Variants in EIF4E3 observed in about 807,000 individuals in gnomAD.
EIF4E3 encodes the protein eukaryotic translation initiation factor 4E family member 3.
In EIF4E3, 26 loss-of-function variants were observed where a neutral mutation model predicts 31.7. The ratio of observed to expected loss-of-function variants is 0.82; its 90% confidence interval spans 0.60 to 1.14. The LOEUF is 1.14. Ranked by LOEUF, EIF4E3 falls within the 50% of genes most tolerant of loss-of-function variation. The probability of loss-of-function intolerance (pLI) is 0.00; values close to 1 mark genes in which losing one functional copy is unlikely to be tolerated. For missense variants in EIF4E3, 304 were observed against 270.9 expected (o/e 1.12, Z -0.86); for synonymous variants, 128 against 107.7 (o/e 1.19, Z -1.17).
At chr3:71,689,868 A>G in intron 6 of EIF4E3, 142 bp downstream of exon 6, 1 of 783,580 alleles carries the variant, frequency 1.3e-6, no homozygotes, top group Non-Finnish European at 1.7e-6. Flanking sequence ...AAAAAAAAAA[A>G]CTTAAATGTA....
intron 2 of EIF4E3, among the ~76,000 whole-genome samples, chr3:71,707,978 C>T (rs1269796791): frequency 2.0e-5 from 3 of 151,806 alleles, no homozygotes; most frequent in Admixed American, 6.6e-5. Flanking sequence ...CTCCACTTCC[C>T]GGGTTAAAGC....
intron 1 of EIF4E3, among the ~76,000 whole-genome samples, chr3:71,739,093 T>C (rs572150207): frequency 8.0e-5 from 12 of 149,408 alleles, no homozygotes; most frequent in African/African-American, 2.7e-4. Flanking sequence ...GCATGTCAGA[T>C]GCAGCTAAAG....
Position 71,678,249 on chromosome 3 carries a change from A to G in EIF4E3, c.*6433T>C, listed in dbSNP as rs148327285. 7 of 152,350 alleles carry G rather than the reference A, an allele frequency of 4.6e-5. No homozygotes were observed. The East Asian group carries it at 1.3e-3, about 29-fold the overall frequency. 9.4% of individuals were successfully genotyped at this position (152,350 alleles called of 1,614,324 possible). On this transcript the variant is annotated 3_prime_UTR_variant, in exon 7 of 7. Transcript: ENST00000425534. Reference sequence around the variant, plus strand: ...AGGATGAAAATGACATTTCTATACTATAAGAACCTCAATACAGAATGAGAA... The same window carrying G: ...AGGATGAAAATGACATTTCTATACTGTAAGAACCTCAATACAGAATGAGAA...
At chr3:71,751,002 T>G (rs1398637263) in intron 1 of EIF4E3, among the ~76,000 whole-genome samples, 1 of 151,226 alleles carries the variant, frequency 6.6e-6, no homozygotes, top group Admixed American at 6.6e-5. Flanking sequence ...GACCTCATGA[T>G]CCACCCGCCT....
In EIF4E3 at chr3:71,693,882, G is replaced by A. The variant is rs1370215670; in HGVS notation, c.465C>T (p.Ala155=). The change falls in exon 5 of 7, where the codon GCC becomes GCT. Residue 155 remains alanine, a synonymous_variant. Transcript: ENST00000425534. The stretch of plus-strand genomic sequence containing the variant: ...AGCCGTGGGCTGCTTTACCTGCTGC[G>A]GCACAGTCTGTGAACTGTTCCCCGA... The part of the protein sequence containing the change: ...ATIGEQFTDC[A]AADDEVIGVS... 13 of 1,571,144 alleles carry A rather than the reference G, an allele frequency of 8.3e-6. No individual in the cohort carries two copies. The highest frequency in any genetic ancestry group is 1.2e-5 in the South Asian group (1 of 85,614).
intron 1 of EIF4E3, among the ~76,000 whole-genome samples, chr3:71,718,000 T>C (rs567118336): frequency 6.6e-6 from 1 of 152,370 alleles, no homozygotes; most frequent in East Asian, 1.9e-4. Flanking sequence ...ACACAATAAA[T>C]GTTTGCTGAA....
chr3:71,735,580 CAAAG>C (rs1213638296), intron 1 of EIF4E3, among the ~76,000 whole-genome samples: 4 of 152,108 alleles, frequency 2.6e-5, no homozygotes, highest in Non-Finnish European at 5.9e-5. Flanking sequence ...AGATTCCTAA[CAAAG>C]AAACGCAATA....
chr3:71,734,795 T>C (rs1447289476), intron 1 of EIF4E3, among the ~76,000 whole-genome samples: 1 of 152,224 alleles, frequency 6.6e-6, no homozygotes, highest in African/African-American at 2.4e-5. Flanking sequence ...GTTGATTCAA[T>C]TTAACTGGAA....
chr3:71,670,243 C>T, the EIF4E3 span, among the ~76,000 whole-genome samples: 1 of 152,154 alleles, frequency 6.6e-6, no homozygotes, highest in Non-Finnish European at 1.5e-5. Flanking sequence ...ATGGTGGCTA[C>T]ATTTTCTTTA....
the EIF4E3 span, among the ~76,000 whole-genome samples, chr3:71,665,097 C>T: frequency 6.6e-6 from 1 of 152,180 alleles, no homozygotes; most frequent in Non-Finnish European, 1.5e-5. Context: ...TGCATGGTGG[C>T]CCTGATGCAA....
At chr3:71,732,633 G>A (rs2049718303) in intron 1 of EIF4E3, among the ~76,000 whole-genome samples, 2 of 152,234 alleles carry the variant, frequency 1.3e-5, no homozygotes, top group East Asian at 1.9e-4. Flanking sequence ...TCAAAGAGTA[G>A]TTCTGAACAT....
the EIF4E3 span, among the ~76,000 whole-genome samples, chr3:71,660,229 G>C: frequency 6.6e-6 from 1 of 152,080 alleles, no homozygotes; most frequent in Non-Finnish European, 1.5e-5. Context: ...TATCCTGTCT[G>C]AATCGGCTGG....
At chr3:71,667,557 C>T in the EIF4E3 span, among the ~76,000 whole-genome samples, 3,602 of 152,180 alleles carry the variant, frequency 0.024, 82 homozygotes, top group South Asian at 0.047. Flanking sequence ...CAGCAAAGTC[C>T]CAGGATACAA....
upstream of EIF4E3, chr3:71,754,346 C>T (rs566972436): frequency 7.7e-5 from 100 of 1,302,972 alleles, 1 homozygote; most frequent in Admixed American, 2.4e-3. This position sits in a 1 kb window ranked among gnomAD's most constrained non-coding sequence, Gnocchi z 5.8. Context: ...AGCTGCTCGC[C>T]TTCCTGGCCG....
In EIF4E3 at chr3:71,733,194, C is replaced by T. The variant is rs530163915; in HGVS notation, c.-290-4571G>A. 5.3e-5 allele frequency among the ~76,000 whole-genome samples: 8 copies of T among 152,260 alleles called. No homozygotes were observed. In the South Asian group the frequency reaches 1.0e-3, roughly 20 times the overall value. ...AAAACCCTTTGGTCCTGGGAAAACCCGAACGGTAGATACACAAGGAGCGGG... is the reference window on the plus strand; with the variant it reads ...AAAACCCTTTGGTCCTGGGAAAACCTGAACGGTAGATACACAAGGAGCGGG... On this transcript the variant is annotated intron_variant, in intron 1 of 7. Coordinates refer to the EIF4E3 transcript ENST00000295612.
In EIF4E3 at chr3:71,681,527, G is replaced by C. The variant is rs141778684; in HGVS notation, c.*3155C>G. On this transcript the variant is annotated 3_prime_UTR_variant, in exon 7 of 7. Transcript: ENST00000425534. ...GTTTACAAACAGGATGTCTGATTAC[G>C]GAGTTACACCAGTGGCCAGATTGGA... is the stretch of plus-strand genomic sequence containing the variant. 6.6e-6 allele frequency: 1 copy of C among 152,306 alleles called. No individual in the cohort carries two copies. The highest frequency in any genetic ancestry group is 1.5e-5 in the Non-Finnish European group (1 of 68,106). 9.4% of individuals were successfully genotyped at this position (152,306 alleles called of 1,614,324 possible).
chr3:71,687,559 G>GC (rs1369917961), intron 6 of EIF4E3, among the ~76,000 whole-genome samples: 2 of 152,208 alleles, frequency 1.3e-5, no homozygotes, highest in African/African-American at 4.8e-5. Flanking sequence ...TTGGGCTCCA[G>GC]CTTCCTGCTG....
chr3:71,666,088 CTA>C, the EIF4E3 span, among the ~76,000 whole-genome samples: 5 of 152,098 alleles, frequency 3.3e-5, no homozygotes. Context: ...CAAGAAATAA[CTA>C]ATATCAGACC....
intron 1 of EIF4E3, among the ~76,000 whole-genome samples, chr3:71,753,127 T>C (rs1361743193): frequency 6.6e-6 from 1 of 152,082 alleles, no homozygotes; most frequent in African/African-American, 2.4e-5. Context: ...CTCCGCTACT[T>C]CCCGGCTCTC....
Sources: allele counts gnomAD v4.1 joint callset (sites outside exome capture counted in the v4.1 genomes callset), GRCh38; gene constraint gnomAD v4.1.1; non-coding constraint Gnocchi (gnomAD v3.1); transcripts MANE v1.5; gene names NCBI Gene and HGNC (gene_info 2026-07-23, HGNC 2026-07-21).